MNDA: variants seen among roughly 807,000 people sequenced by gnomAD.
The protein encoded by MNDA is myeloid cell nuclear differentiation antigen.
In MNDA, 43 loss-of-function variants were observed where a neutral mutation model predicts 37.8. The observed-to-expected ratio is 1.14, with a 90% CI of 0.89 to 1.47. The LOEUF (loss-of-function observed/expected upper bound fraction) is 1.47, where lower values mean the gene tolerates loss of function less well. Among genes scored for constraint, MNDA ranks in the 40% most tolerant of loss-of-function variants. MNDA has a pLI of 0.00. For missense variants in MNDA, 536 were observed against 476.0 expected, an observed-to-expected ratio of 1.13 and a Z score of -1.17; for synonymous variants, 181 against 169.0, an observed-to-expected ratio of 1.07 and a Z score of -0.55.
chr1:158,848,409 G>T (rs1659183897), intron 6 of MNDA, among the ~76,000 whole-genome samples: 1 of 152,044 alleles, frequency 6.6e-6, no homozygotes, highest in Non-Finnish European at 1.5e-5. Flanking sequence ...GTAAAAATTG[G>T]AGGGACTTTT....
chr1:158,841,947 T>C (rs1045292321), intron 1 of MNDA, among the ~76,000 whole-genome samples, 187 bp from the exon 2 acceptor site: 7 of 152,246 alleles, frequency 4.6e-5, no homozygotes, highest in Non-Finnish European at 8.8e-5. Flanking sequence ...AGAACTTCAC[T>C]GAACCTCCTA....
chr1:158,847,216 A>G (rs553444913), intron 5 of MNDA, among the ~76,000 whole-genome samples: 14 of 152,284 alleles, frequency 9.2e-5, no homozygotes, highest in African/African-American at 3.1e-4. Flanking sequence ...AATGTACACT[A>G]CTTGGGTAAT....
At chr1:158,836,257 T>C (rs1159260097) in intron 1 of MNDA, among the ~76,000 whole-genome samples, 2 of 152,026 alleles carry the variant, frequency 1.3e-5, no homozygotes, top group East Asian at 1.9e-4. Context: ...AGTTTGGAAG[T>C]GTTCCCTCCT....
chr1:158,846,886 G>C (rs1432937912), intron 5 of MNDA, among the ~76,000 whole-genome samples: 2 of 152,184 alleles, frequency 1.3e-5, no homozygotes, highest in Non-Finnish European at 2.9e-5. Flanking sequence ...GAATTGATGA[G>C]TAATAGCTTA....
rs184129445 is a variant in MNDA at position 158,848,118 on chromosome 1, C to T, written c.1176+202C>T. 9.8e-4 allele frequency among the ~76,000 whole-genome samples: 149 copies of T among 152,228 alleles called. 1 individual carries two copies. The highest frequency in any genetic ancestry group is 2.9e-5 in the Non-Finnish European group (2 of 68,016). On this transcript the variant is annotated intron_variant, in intron 6 of 6. Transcript: ENST00000368141. ...CATTCATACAGCTCTAGAAAGGATA[C>T]AATACTAGTGTTAATTGATTTAAAG...
At chr1:158,843,165 A>G in intron 2 of MNDA, 114 bp from the exon 3 acceptor site, 2 of 1,363,016 alleles carry the variant, frequency 1.5e-6, no homozygotes, top group Non-Finnish European at 2.0e-6. Flanking sequence ...GTAACAGGCA[A>G]ATCCGAACTC....
chr1:158,839,545 T>A (rs1658988319), intron 1 of MNDA, among the ~76,000 whole-genome samples: 1 of 152,156 alleles, frequency 6.6e-6, no homozygotes, highest in Admixed American at 6.5e-5. Context: ...TTTCCATCAA[T>A]GCTCCAAGTC....
chr1:158,847,616 T>A, intron 5 of MNDA, 112 bp from the exon 6 acceptor site: 1 of 985,510 alleles, frequency 1.0e-6, no homozygotes, highest in Non-Finnish European at 1.5e-6. Context: ...ATGTATGATC[T>A]GTACCTGTCA....
chr1:158,839,130 T>G (rs935870864), intron 1 of MNDA, among the ~76,000 whole-genome samples: 3 of 152,122 alleles, frequency 2.0e-5, no homozygotes, highest in African/African-American at 7.2e-5. Context: ...TTGACCATGT[T>G]TACCTGTTTC....
intron 4 of MNDA, among the ~76,000 whole-genome samples, chr1:158,844,586 T>C (rs1487695485): frequency 6.6e-6 from 1 of 151,174 alleles, no homozygotes; most frequent in African/African-American, 2.4e-5. Flanking sequence ...ATGCTGTGTA[T>C]ACACAGTCGA....
chr1:158,842,479 A>C, intron 2 of MNDA, 61 bp downstream of exon 2: 1 of 1,525,082 alleles, frequency 6.6e-7, no homozygotes, highest in Non-Finnish European at 8.8e-7. Flanking sequence ...CTTCAGTAGA[A>C]CCCCACCTTG....
At chr1:158,847,373 G>A (rs946205555) in intron 5 of MNDA, among the ~76,000 whole-genome samples, 3 of 152,086 alleles carry the variant, frequency 2.0e-5, no homozygotes, top group African/African-American at 7.2e-5. Flanking sequence ...AATAATTGTA[G>A]AAAGCATACA....
rs1307344451 is a variant in MNDA at position 158,843,362 on chromosome 1, A to G, written c.349A>G (p.Thr117Ala). Residue 117 changes from threonine to alanine, a missense_variant, in exon 3 of 7, where the codon ACC becomes GCC. Thr to Ala is a moderately conservative substitution (Grantham distance 58). Coordinates refer to ENST00000368141, the MANE Select transcript of MNDA (RefSeq NM_002432.3). ...AGTGGGTCTTGCGGCACCTGCACCCACCGCAAGAAACAAACTGACATCGGA... is the reference window on the plus strand; with the variant it reads ...AGTGGGTCTTGCGGCACCTGCACCCGCCGCAAGAAACAAACTGACATCGGA... ...EEVGLAAPAPTARNKLTSEAR... is the reference protein window; with the variant it reads ...EEVGLAAPAPAARNKLTSEAR... 5 of 1,612,756 alleles carry G rather than the reference A, an allele frequency of 3.1e-6. No individual in the cohort carries two copies. In the South Asian group the frequency reaches 5.5e-5, roughly 18 times the overall value.
Position 158,844,065 on chromosome 1 carries a change from T to A in MNDA, c.513T>A (p.Asp171Glu). The A allele has an allele frequency of 6.2e-7, 1 of 1,613,546 alleles. No individual in the cohort carries two copies. Among genetic ancestry groups the A allele is most frequent in the Non-Finnish European group, 8.5e-7 (1 of 1,179,794 alleles). ...GAGCCAGCACATCTGCAGCTGTGGA[T>A]CATCCCCCACTACCCCAGACCTCAT... The part of the protein sequence containing the change: ...PSGASTSAAV[D>E]HPPLPQTSSS... Residue 171 changes from aspartate (D) to glutamate (E), a missense_variant, in exon 4 of 7, where the codon GAT becomes GAA. Asp to Glu is a conservative substitution (Grantham distance 45). Transcript: ENST00000368141.
intron 1 of MNDA, among the ~76,000 whole-genome samples, chr1:158,839,152 T>C (rs1343674669): frequency 6.6e-6 from 1 of 152,146 alleles, no homozygotes; most frequent in Non-Finnish European, 1.5e-5. Flanking sequence ...TTGTATACCT[T>C]TTGTTGAAAA....
chr1:158,849,218 G>T lies in MNDA; in HGVS notation c.1205G>T (p.Gly402Val). Residue 402 changes from glycine to valine, a missense_variant, in exon 7 of 7, where the codon GGA becomes GTA. Gly to Val is a moderately radical substitution (Grantham distance 109, BLOSUM62 -3). Transcript: ENST00000368141. ...KVIKAKKNKE[G>V]PMNVN ...ATCAAGGCCAAGAAAAACAAGGAAGGACCAATGAATGTTAATTGAAATATG... is the reference window on the plus strand; with the variant it reads ...ATCAAGGCCAAGAAAAACAAGGAAGTACCAATGAATGTTAATTGAAATATG... 2 of 1,611,804 alleles carry T rather than the reference G, an allele frequency of 1.2e-6. No individual in the cohort carries two copies. The highest frequency in any genetic ancestry group is 1.7e-6 in the Non-Finnish European group (2 of 1,178,670).
chr1:158,847,021 C>T lies in MNDA; in HGVS notation c.988-707C>T, dbSNP rs538065766. Among the ~76,000 whole-genome samples, 96 of 152,262 alleles carry T rather than the reference C, an allele frequency of 6.3e-4. 1 individual carries two copies. The highest frequency in any genetic ancestry group is 3.4e-3 in the Middle Eastern group (1 of 294). ...ATGATTGTGTTATAGAAGATTTTTC[C>T]TTTAAAATTTCTCATAATCTGAAGT... On this transcript the variant is annotated intron_variant, in intron 5 of 6. Transcript: ENST00000368141.
intron 1 of MNDA, among the ~76,000 whole-genome samples, chr1:158,833,408 G>C (rs182315193): frequency 6.6e-6 from 1 of 152,096 alleles, no homozygotes; most frequent in Admixed American, 6.5e-5. Context: ...CATTCATATT[G>C]TTGTGCAACC....
Position 158,842,176 on chromosome 1 carries a change from T to A in MNDA, c.23T>A (p.Ile8Asn), listed in dbSNP as rs1056772229. MVNEYKK[I>N]LLLKGFELMD... ...GAAATGGTGAATGAATACAAGAAAATTCTTTTGCTGAAAGGATTTGAGCTC... is the reference window on the plus strand; with the variant it reads ...GAAATGGTGAATGAATACAAGAAAAATCTTTTGCTGAAAGGATTTGAGCTC... Residue 8 changes from isoleucine (I) to asparagine (N), a missense_variant, in exon 2 of 7, where the codon ATT becomes AAT. Ile to Asn is a moderately radical substitution (Grantham distance 149). Coordinates refer to ENST00000368141, the MANE Select transcript of MNDA (RefSeq NM_002432.3). 3.1e-6 allele frequency: 5 copies of A among 1,610,988 alleles called. No individual in the cohort carries two copies. The highest frequency in any genetic ancestry group is 4.2e-6 in the Non-Finnish European group (5 of 1,178,712).
Sources: allele counts gnomAD v4.1 joint callset (sites outside exome capture counted in the v4.1 genomes callset), GRCh38; gene constraint gnomAD v4.1.1; transcripts MANE v1.5; gene names NCBI Gene and HGNC (gene_info 2026-07-23, HGNC 2026-07-21).